Variants in NRXN3 observed in about 807,000 individuals in gnomAD.
NRXN3 encodes neurexin 3, also known as neurexin III.
A neutral mutation model predicts 137.6 loss-of-function variants in NRXN3; 32 were observed. That is an observed-to-expected ratio of 0.23 (90% CI 0.18 to 0.31). The LOEUF is 0.31. Ranked by LOEUF, NRXN3 falls within the 10% of genes least tolerant of loss-of-function variation. The pLI is 1.00. For missense variants in NRXN3, 1,574 were observed against 2,062.5 expected (o/e 0.76, Z 4.59); for synonymous variants, 798 against 784.5 (o/e 1.02, Z -0.29).
intron 15 of NRXN3, among the ~76,000 whole-genome samples, chr14:79,369,706 C>T (rs932517908): frequency 6.6e-6 from 1 of 152,180 alleles, no homozygotes; most frequent in South Asian, 2.1e-4. Flanking sequence ...TCTGATCCTT[C>T]TCACTTTAAT....
intron 15 of NRXN3, among the ~76,000 whole-genome samples, chr14:79,132,089 A>T (rs537348749): frequency 2.0e-5 from 3 of 152,218 alleles, no homozygotes; most frequent in Non-Finnish European, 4.4e-5. Context: ...GGCACTCCCT[A>T]GTGAGATGAA....
chr14:79,670,389 C>A (rs374192090), intron 17 of NRXN3, among the ~76,000 whole-genome samples: 2 of 151,998 alleles, frequency 1.3e-5, no homozygotes, highest in South Asian at 2.1e-4. Context: ...TAGGTGTAAC[C>A]AAGGGCCCCT....
At chr14:78,827,163 A>G (rs1389889416) in intron 10 of NRXN3, among the ~76,000 whole-genome samples, 1 of 152,028 alleles carries the variant, frequency 6.6e-6, no homozygotes, top group Non-Finnish European at 1.5e-5. Flanking sequence ...GGCCTAAATT[A>G]CCATTTCATT....
intron 8 of NRXN3, among the ~76,000 whole-genome samples, chr14:78,735,928 C>T (rs1567179717): frequency 6.6e-6 from 1 of 152,098 alleles, no homozygotes; most frequent in Non-Finnish European, 1.5e-5. Context: ...AAAACTGTGA[C>T]CAGCACCCAG....
chr14:78,243,864 T>G lies in NRXN3; in HGVS notation c.709+62T>G. 2.3e-6 allele frequency: 3 copies of G among 1,282,024 alleles called. No homozygotes were observed. The highest frequency in any genetic ancestry group is 3.2e-6 in the Non-Finnish European group (3 of 929,282). The allele number at this position is 1,282,024 out of a possible 1,614,324, so 79.4% of individuals were successfully genotyped here. On this transcript the variant is annotated intron_variant, in intron 2 of 20. Transcript: ENST00000335750. The surrounding 1 kb of genome is among the most constrained non-coding windows in gnomAD (Gnocchi z 4.2). ...ACGGGATGGCTGAGGCTGGGGCTCC[T>G]GATACAAACCAGTTCTATATGGATG...
intron 10 of NRXN3, among the ~76,000 whole-genome samples, chr14:78,932,255 G>C (rs154336): frequency 0.28 from 41,898 of 151,948 alleles, 8,627 homozygotes; most frequent in African/African-American, 0.56. Flanking sequence ...GTGGCACTGG[G>C]TGGTGGAAAG....
intron 17 of NRXN3, among the ~76,000 whole-genome samples, chr14:79,672,702 C>T (rs17109728): frequency 0.29 from 43,769 of 151,766 alleles, 8,506 homozygotes; most frequent in African/African-American, 0.55. Flanking sequence ...TCTCTAATTA[C>T]GAAAACTTAG....
chr14:79,769,435 C>T (rs2099068819), intron 19 of NRXN3, among the ~76,000 whole-genome samples: 1 of 152,102 alleles, frequency 6.6e-6, no homozygotes, highest in South Asian at 2.1e-4. Flanking sequence ...TCAGCAGAAA[C>T]TCTACAAGCC....
chr14:79,113,754 C>T (rs534984264), intron 15 of NRXN3, among the ~76,000 whole-genome samples: 18 of 152,146 alleles, frequency 1.2e-4, no homozygotes, highest in Admixed American at 3.9e-4. Flanking sequence ...GACTTCCATG[C>T]AACTTTTGAT....
At chr14:79,791,700 G>A (rs754918893) in intron 19 of NRXN3, among the ~76,000 whole-genome samples, 39 of 151,682 alleles carry the variant, frequency 2.6e-4, no homozygotes, top group Non-Finnish European at 4.4e-4. Context: ...CACATGTCCC[G>A]TGCAAACCCA....
intron 6 of NRXN3, among the ~76,000 whole-genome samples, chr14:78,660,288 G>A (rs1369940592): frequency 7.0e-6 from 1 of 143,602 alleles, no homozygotes; most frequent in Non-Finnish European, 1.5e-5. Flanking sequence ...TGGCAACTGG[G>A]TATTCATTCT....
intron 20 of NRXN3, among the ~76,000 whole-genome samples, chr14:79,837,518 T>G (rs1402698685): frequency 6.6e-6 from 1 of 152,168 alleles, no homozygotes; most frequent in African/African-American, 2.4e-5. Flanking sequence ...AGCATCCACT[T>G]TTACTTATCT....
intron 19 of NRXN3, among the ~76,000 whole-genome samples, chr14:79,762,718 G>A (rs1053404829): frequency 1.3e-5 from 2 of 151,490 alleles, no homozygotes; most frequent in African/African-American, 4.9e-5. Flanking sequence ...TTGGTTTCGT[G>A]CGATGCCTGT....
chr14:79,103,257 T>G (rs971659228), intron 15 of NRXN3, among the ~76,000 whole-genome samples: 24 of 152,314 alleles, frequency 1.6e-4, no homozygotes, highest in African/African-American at 5.3e-4. Flanking sequence ...GAAGGTGATT[T>G]GGGATTTAAA....
At chr14:79,401,154 C>T in intron 15 of NRXN3, among the ~76,000 whole-genome samples, 1 of 152,062 alleles carries the variant, frequency 6.6e-6, no homozygotes, top group Admixed American at 6.6e-5. Flanking sequence ...TACCCATGGA[C>T]CTGTTTTGTT....
At chr14:78,617,302 GAGA>G (rs1366970681) in intron 4 of NRXN3, among the ~76,000 whole-genome samples, 1 of 152,198 alleles carries the variant, frequency 6.6e-6, no homozygotes, top group Non-Finnish European at 1.5e-5. Context: ...AGGAGCAGGA[GAGA>G]ATACACATCT....
intron 19 of NRXN3, among the ~76,000 whole-genome samples, chr14:79,798,231 A>C (rs2099166855): frequency 6.6e-6 from 1 of 152,216 alleles, no homozygotes; most frequent in Non-Finnish European, 1.5e-5. Context: ...CAAACTTTTC[A>C]AATCTCATTA....
Position 78,993,834 on chromosome 14 carries a change from ATTTTTTTTTTTTTTTTTTTTT to A in NRXN3, c.3262+5706_3262+5726del, listed in dbSNP as rs58170856. ...GTTTTCATTGAAGATGAGCCTTGAA[ATTTTTTTTTTTTTTTTTTTTT>A]TTTTTTTTTTTTGAGACAGAATCTC... On this transcript the variant is annotated intron_variant, in intron 15 of 20. Coordinates refer to ENST00000335750, the MANE Select transcript of NRXN3 (RefSeq NM_001330195.2). Among the ~76,000 whole-genome samples the A allele has an allele frequency of 6.7e-4, 45 of 67,012 alleles. 1 individual carries two copies. Among genetic ancestry groups the A allele is most frequent in the South Asian group, 3.0e-3 (4 of 1,314 alleles). 44.0% of individuals were successfully genotyped at this position (67,012 alleles called of 152,430 possible). A position where few individuals can be genotyped will look rare whatever the true frequency, so the allele number is the denominator to read the frequency against.
intron 15 of NRXN3, among the ~76,000 whole-genome samples, chr14:79,216,719 A>G (rs1366660276): frequency 6.6e-6 from 1 of 152,212 alleles, no homozygotes; most frequent in African/African-American, 2.4e-5. Flanking sequence ...CAACCAATCA[A>G]TATTACTTTT....
Sources: allele counts gnomAD v4.1 joint callset (sites outside exome capture counted in the v4.1 genomes callset), GRCh38; gene constraint gnomAD v4.1.1; non-coding constraint Gnocchi (gnomAD v3.1); transcripts MANE v1.5; gene names NCBI Gene and HGNC (gene_info 2026-07-23, HGNC 2026-07-21).